The following GTF2F2 variants were observed in gnomAD, a reference collection of about 807,000 sequenced individuals.
GTF2F2 encodes ATP-dependent helicase GTF2F2.
GTF2F2 carries 23 observed loss-of-function variants against 42.2 expected under a neutral mutation model. The observed-to-expected ratio is 0.55, with a 90% confidence interval of 0.39 to 0.77. The LOEUF (loss-of-function observed/expected upper bound fraction) is 0.77, where lower values mean the gene tolerates loss of function less well. GTF2F2 is among the 30% of genes least tolerant of loss of function. GTF2F2 has a pLI of 0.00. For synonymous variants in GTF2F2, 105 were observed against 100.8 expected (o/e 1.04, Z -0.25); for missense variants, 261 against 287.2 (o/e 0.91, Z 0.66).
chr13:45,191,224 A>AAAAAAAAAAATATATATATATAT, intron 4 of GTF2F2, among the ~76,000 whole-genome samples: 7 of 75,310 alleles, frequency 9.3e-5, no homozygotes, highest in African/African-American at 5.0e-4. Context: ...ACAAAAAAAA[A>AAAAAAAAAAATATATATATATAT]ATATATATAT....
At chr13:45,150,063 T>A (rs1870409752) in intron 3 of GTF2F2, among the ~76,000 whole-genome samples, 1 of 152,240 alleles carries the variant, frequency 6.6e-6, no homozygotes, top group African/African-American at 2.4e-5. Flanking sequence ...AATACGTTAG[T>A]ATTACTTCAG....
chr13:45,140,363 G>A (rs1034643694), intron 2 of GTF2F2, among the ~76,000 whole-genome samples: 1 of 152,172 alleles, frequency 6.6e-6, no homozygotes, highest in East Asian at 1.9e-4. Flanking sequence ...TTGAGTATAT[G>A]TTCATAGTGG....
At chr13:45,243,102 A>G (rs899328744) in intron 5 of GTF2F2, among the ~76,000 whole-genome samples, 1 of 152,216 alleles carries the variant, frequency 6.6e-6, no homozygotes, top group Non-Finnish European at 1.5e-5. Context: ...CGGTATCCCC[A>G]GGGGATTGAT....
At chr13:45,230,232 A>T (rs183556762) in intron 5 of GTF2F2, among the ~76,000 whole-genome samples, 1 of 152,104 alleles carries the variant, frequency 6.6e-6, no homozygotes, top group East Asian at 1.9e-4. Context: ...AAAAAAAAAA[A>T]TTAACAAAAA....
chr13:45,158,993 C>A (rs763563655), intron 4 of GTF2F2, among the ~76,000 whole-genome samples: 61 of 152,296 alleles, frequency 4.0e-4, no homozygotes, highest in Non-Finnish European at 7.5e-4. Flanking sequence ...GGTTCAGAAT[C>A]GAATATTCCT....
At chr13:45,179,087 G>T (rs1175117034) in intron 4 of GTF2F2, among the ~76,000 whole-genome samples, 4 of 152,180 alleles carry the variant, frequency 2.6e-5, no homozygotes, top group African/African-American at 7.2e-5. Flanking sequence ...TAAGGACTGG[G>T]CTTGGAACTG....
chr13:45,172,432 T>C lies in GTF2F2; in HGVS notation c.304+20601T>C, dbSNP rs143451210. ...TTGAGTTGTAAGAGTTCAATATATA[T>C]ATACACAAATCCCTTATTCAGAGAT... On this transcript the variant is annotated intron_variant, in intron 4 of 7. Coordinates refer to ENST00000340473, the MANE Select transcript of GTF2F2 (RefSeq NM_004128.3). 3.9e-3 allele frequency among the ~76,000 whole-genome samples: 598 copies of C among 152,328 alleles called. 7 individuals are homozygous for C. Among genetic ancestry groups the C allele is most frequent in the African/African-American group, 0.014 (580 of 41,582 alleles).
chr13:45,271,271 A>T (rs1241534547), intron 7 of GTF2F2, among the ~76,000 whole-genome samples: 1 of 151,742 alleles, frequency 6.6e-6, no homozygotes, highest in Non-Finnish European at 1.5e-5. Context: ...AGCCTGAGCG[A>T]CAGAAAAAAG....
chr13:45,279,840 A>C (rs1877187796), intron 7 of GTF2F2, among the ~76,000 whole-genome samples: 1 of 152,102 alleles, frequency 6.6e-6, no homozygotes, highest in Admixed American at 6.6e-5. Flanking sequence ...AGTAGGCAAA[A>C]GTTGCAGTGA....
chr13:45,255,060 G>A (rs917564379), intron 6 of GTF2F2, among the ~76,000 whole-genome samples: 1 of 151,460 alleles, frequency 6.6e-6, no homozygotes, highest in East Asian at 1.9e-4. Context: ...CCAGCCACTC[G>A]GGAGGTGAGG....
intron 4 of GTF2F2, among the ~76,000 whole-genome samples, chr13:45,191,215 C>CAAAA (rs1158010068): frequency 0.064 from 4,702 of 74,024 alleles, 285 homozygotes; most frequent in African/African-American, 0.08. Context: ...ACTAAAAATA[C>CAAAA]AAAAAAAAAA....
chr13:45,149,465 G>C (rs191030085), intron 2 of GTF2F2, among the ~76,000 whole-genome samples: 197 of 148,998 alleles, frequency 1.3e-3, no homozygotes, highest in Non-Finnish European at 2.3e-3. Flanking sequence ...AAAAGAAAAT[G>C]TAAAAAAGAA....
rs17066474 is a variant in GTF2F2, at chr13:45,134,613, A to G, written c.67-2120A>G. ...TACAGTCATCGTAAGGAGTTTGCCA[A>G]ATCCTCTAAGCTTGTTTGGATGAAT... On this transcript the variant is annotated intron_variant, in intron 1 of 7. Coordinates refer to ENST00000340473, the MANE Select transcript of GTF2F2 (RefSeq NM_004128.3). Among the ~76,000 whole-genome samples the G allele has an allele frequency of 5.7e-3, 864 of 152,310 alleles. 10 individuals are homozygous for G. Among genetic ancestry groups the G allele is most frequent in the African/African-American group, 0.019 (807 of 41,566 alleles).
At chr13:45,148,323 A>G (rs573178034) in intron 2 of GTF2F2, among the ~76,000 whole-genome samples, 23 of 152,340 alleles carry the variant, frequency 1.5e-4, no homozygotes, top group African/African-American at 5.5e-4. Flanking sequence ...CCCAAAGAAT[A>G]AAGTCTGTAT....
Position 45,167,396 on chromosome 13 carries a change from A to ATT in GTF2F2, c.304+15584_304+15585dup, listed in dbSNP as rs761750778. Among the ~76,000 whole-genome samples, 114 of 104,248 alleles carry ATT rather than the reference A, an allele frequency of 1.1e-3. 1 individual carries two copies. The highest frequency in any genetic ancestry group is 2.6e-3 in the African/African-American group (69 of 26,264). 68.4% of individuals were successfully genotyped at this position (104,248 alleles called of 152,430 possible). On this transcript the variant is annotated intron_variant, in intron 4 of 7. Coordinates refer to ENST00000340473, the MANE Select transcript of GTF2F2 (RefSeq NM_004128.3). ...CACACCCAGCTAATTTCACCCAGCT[A>ATT]TTTTTTTTTTTTTTTTTTTTGAGAT...
chr13:45,259,806 C>T lies in GTF2F2; in HGVS notation c.486+6836C>T, dbSNP rs1964876. Among the ~76,000 whole-genome samples, 1,515 of 151,936 alleles carry T rather than the reference C, an allele frequency of 1.0e-2. 30 individuals carry two copies. The highest frequency in any genetic ancestry group is 0.034 in the African/African-American group (1,406 of 41,458). On this transcript the variant is annotated intron_variant, in intron 6 of 7. Coordinates refer to ENST00000340473, the MANE Select transcript of GTF2F2 (RefSeq NM_004128.3). ...CCAAGTAGCTGGGACTACAGGCGCC[C>T]GCCACCACACCTGGCCAATGTGATC... is the stretch of plus-strand genomic sequence containing the variant.
chr13:45,175,489 G>GT (rs1259455796), intron 4 of GTF2F2, among the ~76,000 whole-genome samples: 2 of 151,928 alleles, frequency 1.3e-5, no homozygotes, highest in Non-Finnish European at 2.9e-5. Context: ...TGGTTGTTCT[G>GT]TTTTTTAGTG....
intron 5 of GTF2F2, among the ~76,000 whole-genome samples, chr13:45,240,067 C>T (rs905352795): frequency 1.4e-5 from 2 of 146,342 alleles, no homozygotes; most frequent in Non-Finnish European, 3.0e-5. Flanking sequence ...TTTTATATAC[C>T]AAAAATGTTC....
At chr13:45,252,796 A>T (rs1341828849) in intron 5 of GTF2F2, 75 bp from the exon 6 acceptor site, 1 of 671,824 alleles carries the variant, frequency 1.5e-6, no homozygotes, top group Non-Finnish European at 2.5e-6. Context: ...TTGAATAAGA[A>T]TTATAGAAAT....
Sources: allele counts gnomAD v4.1 joint callset (sites outside exome capture counted in the v4.1 genomes callset), GRCh38; gene constraint gnomAD v4.1.1; transcripts MANE v1.5; gene names NCBI Gene and HGNC (gene_info 2026-07-23, HGNC 2026-07-21).